SET: variants seen among roughly 807,000 people sequenced by gnomAD.
The protein encoded by SET is protein SET.
In SET, 4 loss-of-function variants were observed where a neutral mutation model predicts 39.0. That is an observed-to-expected ratio of 0.10 (90% CI 0.05 to 0.23). The LOEUF (loss-of-function observed/expected upper bound fraction) is 0.23. Among genes scored for constraint, SET ranks in the 10% least tolerant of loss-of-function variants. The pLI is 1.00. For synonymous variants in SET, 114 were observed against 115.9 expected (o/e 0.98, Z 0.11); for missense variants, 137 against 329.7 (o/e 0.42, Z 4.53).
At chr9:128,694,242 T>G (rs79752274) in intron 7 of SET, among the ~76,000 whole-genome samples, 200 bp downstream of exon 7, 132,565 of 151,758 alleles carry the variant, frequency 0.87, 60,202 homozygotes, top group Non-Finnish European at 1. Context: ...TTTTTTGGTT[T>G]TTTTTTGGGT....
chr9:128,687,998 C>T (rs1032658955), upstream of SET, among the ~76,000 whole-genome samples: 10 of 152,160 alleles, frequency 6.6e-5, no homozygotes, highest in East Asian at 1.9e-4. Context: ...GAGTGGATCA[C>T]CCCAGGTCAG....
Position 128,689,517 on chromosome 9 carries a change from T to C in SET, c.-66T>C. ...GCGTGTGGCGTGAGGGGAAGCCGCT[T>C]GCCCGCCCCCTTCGCCTTCCCTTCT... On this transcript the variant is annotated 5_prime_UTR_variant, in exon 1 of 8. Transcript: ENST00000322030. 1.3e-6 allele frequency: 1 copy of C among 775,888 alleles called. No homozygotes were observed. Among genetic ancestry groups the C allele is most frequent in the Non-Finnish European group, 1.8e-6 (1 of 556,526 alleles). 48.1% of individuals were successfully genotyped at this position (775,888 alleles called of 1,614,324 possible).
intron 1 of SET, 114 bp from the exon 2 acceptor site, chr9:128,691,056 T>C (rs746006764): frequency 2.4e-6 from 2 of 819,346 alleles, no homozygotes; most frequent in African/African-American, 3.4e-5. Context: ...ACGCTTGCCT[T>C]TGTACTAGGC....
At chr9:128,694,224 A>G (rs1445882112) in intron 7 of SET, among the ~76,000 whole-genome samples, 182 bp downstream of exon 7, 1 of 151,948 alleles carries the variant, frequency 6.6e-6, no homozygotes, top group East Asian at 1.9e-4. Flanking sequence ...CTAATGTTTA[A>G]CTAGGTTTTT....
At chr9:128,690,994 T>C in intron 1 of SET, 176 bp from the exon 2 acceptor site, 1 of 681,520 alleles carries the variant, frequency 1.5e-6, no homozygotes, top group East Asian at 2.7e-5. Context: ...TTGTAAATGG[T>C]CTTTTAATTA....
intron 7 of SET, 32 bp downstream of exon 7, chr9:128,694,074 T>C (rs1239629933): frequency 2.0e-6 from 3 of 1,472,566 alleles, no homozygotes. Flanking sequence ...CCCACAAAGA[T>C]AACTTTTAAA....
chr9:128,687,663 T>C (rs2132238719), upstream of SET, among the ~76,000 whole-genome samples: 1 of 149,908 alleles, frequency 6.7e-6, no homozygotes, highest in Non-Finnish European at 1.5e-5. Context: ...GTGTGAGTTC[T>C]GGAAGGCAGA....
upstream of SET, chr9:128,685,111 AG>A: frequency 1.3e-6 from 2 of 1,555,692 alleles, no homozygotes; most frequent in Non-Finnish European, 8.7e-7. Flanking sequence ...GTCCTACCTC[AG>A]GGCTCAGTGT....
At chr9:128,692,116 CGGTG>C in intron 3 of SET, 116 bp downstream of exon 3, 5 of 1,238,918 alleles carry the variant, frequency 4.0e-6, no homozygotes, top group Non-Finnish European at 5.7e-6. Context: ...AGGCTGGGTG[CGGTG>C]GCGCACCTGT....
chr9:128,690,596 T>A (rs1229493155), intron 1 of SET: 2 of 153,806 alleles, frequency 1.3e-5, no homozygotes, highest in African/African-American at 2.4e-5. Flanking sequence ...CCCGCCTGAA[T>A]TGGGTTGGAG....
At chr9:128,694,199 G>C (rs1047663922) in intron 7 of SET, among the ~76,000 whole-genome samples, 157 bp downstream of exon 7, 7 of 152,032 alleles carry the variant, frequency 4.6e-5, no homozygotes, top group African/African-American at 1.7e-4. Context: ...GGAAATGTTT[G>C]ATAAGCACAT....
In SET at chr9:128,689,394, T is replaced by G. The variant is rs1387385383; in HGVS notation, c.-189T>G. ...CCGGCACGCCGCCCCAGCCCGTCCC[T>G]CGGCGTCAGGCCGCGAGGGTAGCGC... On this transcript the variant is annotated 5_prime_UTR_variant, in exon 1 of 8. Coordinates refer to ENST00000322030, the MANE Select transcript of SET (RefSeq NM_003011.4). The G allele has an allele frequency of 1.1e-6, 1 of 893,718 alleles. No individual in the cohort carries two copies. 55.4% of individuals were successfully genotyped at this position (893,718 alleles called of 1,614,324 possible).
chr9:128,691,166 G>A lies in SET; in HGVS notation c.74-4G>A, dbSNP rs1425695420. 1.3e-6 allele frequency: 2 copies of A among 1,595,376 alleles called. No homozygotes were observed. The highest frequency in any genetic ancestry group is 2.3e-5 in the South Asian group (2 of 88,182). On this transcript the variant is annotated splice_polypyrimidine_tract_variant and splice_region_variant and intron_variant, in intron 1 of 7. Transcript: ENST00000322030. ...GAATTAAGTTTTTTGCTCCTTTTTTGCAGAAAAAGAACAGCAAGAAGCGAT... is the reference window on the plus strand; with the variant it reads ...GAATTAAGTTTTTTGCTCCTTTTTTACAGAAAAAGAACAGCAAGAAGCGAT...
intron 2 of SET, 112 bp from the exon 3 acceptor site, chr9:128,691,746 T>G: frequency 4.0e-6 from 4 of 1,010,856 alleles, no homozygotes; most frequent in Non-Finnish European, 5.7e-6. Flanking sequence ...GTTATTATAA[T>G]TTGGTTATTT....
In SET at chr9:128,696,177, C is replaced by T. The variant is rs1861732733; in HGVS notation, c.*1513C>T. On this transcript the variant is annotated 3_prime_UTR_variant, in exon 8 of 8. Transcript: ENST00000322030. Reference sequence around the variant, plus strand: ...ATATAGTCGCTGAAATTAAATGCCACTTTTTCAGAGGTGAATTAATGGACA... The same window carrying T: ...ATATAGTCGCTGAAATTAAATGCCATTTTTTCAGAGGTGAATTAATGGACA... 4 of 211,844 alleles carry T rather than the reference C, an allele frequency of 1.9e-5. No individual in the cohort carries two copies. The highest frequency in any genetic ancestry group is 2.9e-3 in the Middle Eastern group (2 of 680). 13.1% of individuals were successfully genotyped at this position (211,844 alleles called of 1,614,324 possible).
At chr9:128,690,995 CT>C in intron 1 of SET, 174 bp from the exon 2 acceptor site, 1 of 683,738 alleles carries the variant, frequency 1.5e-6, no homozygotes, top group Non-Finnish European at 2.6e-6. Context: ...TGTAAATGGT[CT>C]TTTAATTAAT....
In SET at chr9:128,692,750, T is replaced by C. The variant is rs1861594045; in HGVS notation, c.363T>C (p.Gly121=). The change falls in exon 4 of 8, where the codon GGT becomes GGC. Residue 121 remains glycine (G), a synonymous_variant. Transcript: ENST00000322030. ...CAGAATTTGAAGATATTAAATCAGGTTACAGAATAGATTTTGTAAGTATCT... is the reference window on the plus strand; with the variant it reads ...CAGAATTTGAAGATATTAAATCAGGCTACAGAATAGATTTTGTAAGTATCT... ...EVTEFEDIKS[G]YRIDFYFDEN... is the part of the protein sequence containing the mutation. The C allele has an allele frequency of 6.2e-7, 1 of 1,604,286 alleles. No individual in the cohort carries two copies. Among genetic ancestry groups the C allele is most frequent in the East Asian group, 2.2e-5 (1 of 44,816 alleles).
exon 1 of SET, chr9:128,683,745 T>G (rs1230637184): frequency 1.7e-6 from 1 of 587,380 alleles, no homozygotes; most frequent in Non-Finnish European, 2.9e-6. Context: ...GGGGCCGGGG[T>G]GTGTGTCCCA....
intron 1 of SET, 192 bp downstream of exon 1, chr9:128,689,847 GCC>G (rs553157569): frequency 1 from 150,855 of 150,896 alleles, 75,407 homozygotes; most frequent in Middle Eastern, 1. Flanking sequence ...GGTGGCCCGC[GCC>G]GCGGCGGCCG....
Sources: gnomAD v4.1 joint callset for allele counts (sites outside exome capture counted in the v4.1 genomes callset) on GRCh38, gnomAD v4.1.1 for gene constraint, MANE v1.5 for transcripts, NCBI Gene and HGNC (gene_info 2026-07-23, HGNC 2026-07-21) for gene names.